Variants in UNC13A observed in about 807,000 individuals in gnomAD.
UNC13A encodes the protein unc-13 homolog A, also known as protein unc-13 homolog A.
UNC13A carries 61 observed loss-of-function variants against 219.7 expected under a neutral mutation model. The ratio of observed to expected loss-of-function variants is 0.28; its 90% CI spans 0.23 to 0.34. The LOEUF (loss-of-function observed/expected upper bound fraction) is 0.34, where lower values mean the gene tolerates loss of function less well. Ranked by LOEUF, UNC13A falls within the 10% of genes least tolerant of loss-of-function variation. The probability of loss-of-function intolerance (pLI) is 1.00; values close to 1 mark genes in which losing one functional copy is unlikely to be tolerated. For synonymous variants in UNC13A, 920 were observed against 884.6 expected, an observed-to-expected ratio of 1.04 and a Z score of -0.71; for missense variants, 1,476 against 2,270.3, an observed-to-expected ratio of 0.65 and a Z score of 7.11.
intron 43 of UNC13A, among the ~76,000 whole-genome samples, chr19:17,608,808 A>G (rs1037330059): frequency 2.0e-3 from 306 of 151,518 alleles, no homozygotes; most frequent in African/African-American, 7.2e-3. Flanking sequence ...GAGCCACCAC[A>G]CCCAGCCATA....
At chr19:17,648,749 G>A (rs557584029) in intron 15 of UNC13A, 99 bp from the exon 16 acceptor site, 2 of 1,505,654 alleles carry the variant, frequency 1.3e-6, no homozygotes, top group African/African-American at 2.8e-5. Context: ...AAAGTCCCAG[G>A]CCCTCCCCTG....
In UNC13A at chr19:17,602,226, G is replaced by C. The variant is rs1310146447; in HGVS notation, c.*3828C>G. On this transcript the variant is annotated 3_prime_UTR_variant, in exon 44 of 44. Transcript: ENST00000519716. ...AGTGAACAGATCCTTCTTTCTTCAG[G>C]ACACCCTCTTTACTTCCCCCGACAC... 6.6e-6 allele frequency: 1 copy of C among 152,492 alleles called. No homozygotes were observed. Among genetic ancestry groups the C allele is most frequent in the South Asian group, 2.1e-4 (1 of 4,820 alleles). 9.4% of individuals were successfully genotyped at this position (152,492 alleles called of 1,614,324 possible).
chr19:17,632,264 C>T (rs371886294), intron 28 of UNC13A, among the ~76,000 whole-genome samples: 13 of 152,206 alleles, frequency 8.5e-5, no homozygotes, highest in Non-Finnish European at 1.6e-4. Context: ...ATGCTGGTCT[C>T]GAACTCCTGA....
At chr19:17,668,564 G>T (rs999973256) in intron 5 of UNC13A, among the ~76,000 whole-genome samples, 3 of 152,118 alleles carry the variant, frequency 2.0e-5, no homozygotes, top group Non-Finnish European at 4.4e-5. Flanking sequence ...TCAGTTCACT[G>T]CAACCTCCAC....
At chr19:17,639,290 T>C in intron 24 of UNC13A, 73 bp from the exon 25 acceptor site, 1 of 1,601,076 alleles carries the variant, frequency 6.2e-7, no homozygotes, top group Non-Finnish European at 8.5e-7. Flanking sequence ...TGCGAGTCAT[T>C]TTGGGTTTAA....
intron 10 of UNC13A, among the ~76,000 whole-genome samples, chr19:17,655,649 C>T (rs1472359136): frequency 6.6e-6 from 1 of 151,164 alleles, no homozygotes; most frequent in African/African-American, 2.4e-5. Flanking sequence ...GGATCTTGAC[C>T]TCTCCGACCC....
intron 8 of UNC13A, among the ~76,000 whole-genome samples, chr19:17,662,033 G>C (rs1273715385): frequency 1.3e-5 from 2 of 152,020 alleles, no homozygotes; most frequent in Non-Finnish European, 2.9e-5. Flanking sequence ...CCTGAAGTCA[G>C]GAGTTCACAA....
intron 7 of UNC13A, among the ~76,000 whole-genome samples, chr19:17,664,375 C>A (rs553842582): frequency 6.6e-6 from 1 of 152,186 alleles, no homozygotes; most frequent in Non-Finnish European, 1.5e-5. Context: ...AGAGCCTCTG[C>A]GCATCAGGGC....
In UNC13A at chr19:17,636,149, C is replaced by T. The variant is rs775651900; in HGVS notation, c.3090G>A (p.Lys1030=). ...SREYQTDPAK[K]GEVLPEEQGP... ...CCTGTTCCTCTGGGAGAACTTCCCC[C>T]TTCTTGGCCTGAAATGGACAGTGGA... The change falls in exon 26 of 44, where the codon AAG becomes AAA. Residue 1030 remains lysine, a synonymous_variant. Coordinates refer to ENST00000519716, the MANE Select transcript of UNC13A (RefSeq NM_001080421.3). 19 of 1,596,700 alleles carry T rather than the reference C, an allele frequency of 1.2e-5. No individual in the cohort carries two copies. The Middle Eastern group carries it at 5.0e-4, about 42-fold the overall frequency.
intron 3 of UNC13A, among the ~76,000 whole-genome samples, chr19:17,673,085 C>T (rs903758793): frequency 1.2e-4 from 19 of 152,260 alleles, no homozygotes; most frequent in African/African-American, 3.6e-4. Flanking sequence ...TGGCCAACCA[C>T]GGTGGCTCAC....
intron 34 of UNC13A, 50 bp from the exon 35 acceptor site, chr19:17,625,002 C>G: frequency 6.3e-7 from 1 of 1,590,840 alleles, no homozygotes; most frequent in South Asian, 1.1e-5. Context: ...CCCCCACCCA[C>G]AGATCACCTT....
In UNC13A at chr19:17,649,329, CA is replaced by C; in HGVS notation, c.1524+9del. On this transcript the variant is annotated intron_variant, in intron 14 of 43. Transcript: ENST00000519716. This position sits in a 1 kb window ranked among gnomAD's most constrained non-coding sequence, Gnocchi z 4.4. ...GAAGATCCCAAGAGGCCCATGTCGCCATCACTCACCATGGCCTGAAGTGTCC... is the reference window on the plus strand; with the variant it reads ...GAAGATCCCAAGAGGCCCATGTCGCCTCACTCACCATGGCCTGAAGTGTCC... The C allele has an allele frequency of 6.3e-7, 1 of 1,583,934 alleles. No homozygotes were observed. Among genetic ancestry groups the C allele is most frequent in the Non-Finnish European group, 8.5e-7 (1 of 1,170,232 alleles).
Position 17,649,542 on chromosome 19 carries a change from G to C in UNC13A, c.1485C>G (p.Arg495=). 1 of 1,613,936 alleles carries C rather than the reference G, an allele frequency of 6.2e-7. No homozygotes were observed. The highest frequency in any genetic ancestry group is 1.1e-5 in the South Asian group (1 of 91,082). ...TCACGAGTGGGATAGGTTTCCTCTTGCGGATGTCTGGCATGCTGTCGATGA... is the reference window on the plus strand; with the variant it reads ...TCACGAGTGGGATAGGTTTCCTCTTCCGGATGTCTGGCATGCTGTCGATGA... ...LIIIDSMPDI[R]KRKPIPLVSD... The change falls in exon 13 of 44, where the codon CGC becomes CGG. Residue 495 remains arginine (R), a synonymous_variant. Coordinates refer to ENST00000519716, the MANE Select transcript of UNC13A (RefSeq NM_001080421.3). This position sits in a 1 kb window ranked among gnomAD's most constrained non-coding sequence, Gnocchi z 4.4.
chr19:17,612,476 T>C (rs1217001387), intron 41 of UNC13A, among the ~76,000 whole-genome samples: 1 of 152,192 alleles, frequency 6.6e-6, no homozygotes, highest in Non-Finnish European at 1.5e-5. Flanking sequence ...GCCTGGACTA[T>C]TGCAGTAGCC....
intron 10 of UNC13A, 87 bp from the exon 11 acceptor site, chr19:17,655,469 T>A: frequency 9.6e-7 from 1 of 1,039,654 alleles, no homozygotes; most frequent in Non-Finnish European, 1.4e-6. Flanking sequence ...AAGTGATGCA[T>A]AGCTCCCCAT....
chr19:17,670,632 G>A (rs773433685), intron 4 of UNC13A, among the ~76,000 whole-genome samples: 22 of 152,000 alleles, frequency 1.4e-4, no homozygotes, highest in Admixed American at 2.6e-4. Context: ...GGCCAGGTGC[G>A]GTGACTCACA....
chr19:17,681,251 C>A (rs1346934071), intron 1 of UNC13A, among the ~76,000 whole-genome samples: 1 of 151,788 alleles, frequency 6.6e-6, no homozygotes, highest in East Asian at 1.9e-4. Flanking sequence ...GCTCCCTGAC[C>A]TGCCACGTGG....
At chr19:17,686,669 G>A (rs1801994591) in intron 1 of UNC13A, among the ~76,000 whole-genome samples, 2 of 152,030 alleles carry the variant, frequency 1.3e-5, no homozygotes, top group South Asian at 2.1e-4. Flanking sequence ...CCCCAGCCCC[G>A]TCCAGCAGAA....
chr19:17,678,753 C>T (rs1474244715), intron 1 of UNC13A, among the ~76,000 whole-genome samples: 1 of 151,614 alleles, frequency 6.6e-6, no homozygotes, highest in Non-Finnish European at 1.5e-5. Context: ...GGCGTGGGGA[C>T]TCTCTGTGAA....
Sources: gnomAD v4.1 joint callset for allele counts (sites outside exome capture counted in the v4.1 genomes callset) on GRCh38, gnomAD v4.1.1 for gene constraint, Gnocchi (gnomAD v3.1) non-coding constraint, MANE v1.5 for transcripts, NCBI Gene and HGNC (gene_info 2026-07-23, HGNC 2026-07-21) for gene names.